The following CFAP54 variants were observed in gnomAD, a reference collection of about 807,000 sequenced individuals.
CFAP54 encodes the protein cilia- and flagella-associated protein 54.
In CFAP54, 290 loss-of-function variants were observed where a neutral mutation model predicts 370.4. The observed-to-expected ratio is 0.78, with a 90% CI of 0.71 to 0.86. The LOEUF (loss-of-function observed/expected upper bound fraction) is 0.86. Among genes scored for constraint, CFAP54 ranks in the 40% least tolerant of loss-of-function variants. The pLI, the probability that CFAP54 is intolerant of heterozygous loss-of-function variation, is 0.00. For missense variants in CFAP54, 3,399 were observed against 3,528.7 expected, an observed-to-expected ratio of 0.96 and a Z score of 0.93; for synonymous variants, 1,206 against 1,236.5, an observed-to-expected ratio of 0.98 and a Z score of 0.52.
intron 50 of CFAP54, among the ~76,000 whole-genome samples, chr12:96,723,784 T>C (rs1418670851): frequency 2.7e-5 from 4 of 149,712 alleles, no homozygotes; most frequent in African/African-American, 4.9e-5. Context: ...CCCATTAACT[T>C]GTCATTTAGC....
intron 39 of CFAP54, among the ~76,000 whole-genome samples, chr12:96,676,916 C>A (rs146784839): frequency 7.9e-5 from 12 of 152,164 alleles, no homozygotes; most frequent in Non-Finnish European, 1.6e-4. Context: ...CGTCTGCGAG[C>A]CAGGGAGAGG....
chr12:96,498,288 T>C (rs574669916), intron 1 of CFAP54, among the ~76,000 whole-genome samples: 2 of 152,232 alleles, frequency 1.3e-5, no homozygotes, highest in Non-Finnish European at 2.9e-5. Context: ...AAAATGAATC[T>C]AGACACAGAC....
At chr12:96,626,266 A>T (rs914779251) in intron 29 of CFAP54, among the ~76,000 whole-genome samples, 3 of 151,922 alleles carry the variant, frequency 2.0e-5, no homozygotes, top group African/African-American at 7.2e-5. Context: ...GGTGCCCGTA[A>T]TCCCAGCTTC....
chr12:96,819,038 A>T (rs1449178037), intron 65 of CFAP54, among the ~76,000 whole-genome samples: 2 of 152,240 alleles, frequency 1.3e-5, no homozygotes, highest in East Asian at 1.9e-4. Context: ...GCTTAAAACG[A>T]AAAAAGGCAA....
chr12:96,656,604 C>A (rs1722040298), intron 36 of CFAP54, among the ~76,000 whole-genome samples: 1 of 152,256 alleles, frequency 6.6e-6, no homozygotes, highest in Non-Finnish European at 1.5e-5. Context: ...TGGTCTCAAA[C>A]TCCCGACCTC....
rs919618013 is a variant in CFAP54 at position 96,535,517 on chromosome 12, A to G, written c.1708A>G (p.Thr570Ala). The G allele has an allele frequency of 6.5e-7, 1 of 1,532,290 alleles. No individual in the cohort carries two copies. Among genetic ancestry groups the G allele is most frequent in the Non-Finnish European group, 8.7e-7 (1 of 1,143,422 alleles). 94.9% of individuals were successfully genotyped at this position (1,532,290 alleles called of 1,614,324 possible). Reference sequence around the variant, plus strand: ...TTTCCTCTACTTTATGAACTTAGATACTTGTTTGAAGACTTGTGGATATTC... The same window carrying G: ...TTTCCTCTACTTTATGAACTTAGATGCTTGTTTGAAGACTTGTGGATATTC... The part of the protein sequence containing the change: ...IYLKKIAVHD[T>A]CLKTCGYSED... The change falls in exon 12 of 68, where the codon ACT becomes GCT. Residue 570 changes from threonine to alanine, a missense_variant and splice_region_variant. Physicochemically the swap from Thr to Ala is moderately conservative, Grantham distance 58. Transcript: ENST00000524981.
intron 60 of CFAP54, among the ~76,000 whole-genome samples, chr12:96,776,421 T>TAAAC (rs1958518868): frequency 6.6e-6 from 1 of 152,106 alleles, no homozygotes; most frequent in Admixed American, 6.5e-5. Context: ...AGAATAGTAA[T>TAAAC]AAACTCATTA....
intron 40 of CFAP54, among the ~76,000 whole-genome samples, chr12:96,680,201 A>G (rs1360624076): frequency 5.9e-5 from 9 of 152,372 alleles, no homozygotes; most frequent in African/African-American, 1.9e-4. Context: ...TCTTATTAAT[A>G]CTATAGATTT....
chr12:96,608,769 A>T (rs1002096295), intron 26 of CFAP54, among the ~76,000 whole-genome samples: 1 of 152,142 alleles, frequency 6.6e-6, no homozygotes, highest in African/African-American at 2.4e-5. Flanking sequence ...GCTGCATAGT[A>T]GGACTTCTAA....
intron 55 of CFAP54, among the ~76,000 whole-genome samples, chr12:96,752,363 A>G (rs1958196282): frequency 6.6e-6 from 1 of 152,006 alleles, no homozygotes; most frequent in Non-Finnish European, 1.5e-5. Context: ...TATTTCAATC[A>G]TTTTTTCAGA....
intron 15 of CFAP54, among the ~76,000 whole-genome samples, chr12:96,548,736 GCCAATGTTTTTC>G (rs1450507719): frequency 6.6e-6 from 1 of 152,130 alleles, no homozygotes; most frequent in Non-Finnish European, 1.5e-5. Context: ...ATAGCTGTCT[GCCAATGTTTTTC>G]CCAGGGATCA....
chr12:96,513,978 G>C (rs765399613), intron 5 of CFAP54, among the ~76,000 whole-genome samples: 1 of 152,174 alleles, frequency 6.6e-6, no homozygotes, highest in African/African-American at 2.4e-5. Flanking sequence ...TCACTGCTCA[G>C]TGTTAGCTTG....
At chr12:96,513,146 G>A in intron 5 of CFAP54, 102 bp downstream of exon 5, 1 of 429,404 alleles carries the variant, frequency 2.3e-6, no homozygotes, top group Non-Finnish European at 3.8e-6. Flanking sequence ...AGGAATATTT[G>A]GAGAATTATA....
chr12:96,618,375 C>T (rs529233977), intron 26 of CFAP54, among the ~76,000 whole-genome samples: 1 of 152,056 alleles, frequency 6.6e-6, no homozygotes, highest in African/African-American at 2.4e-5. Flanking sequence ...GAGCAGGATC[C>T]CTGAAAGCAT....
chr12:96,788,879 C>A (rs574385683), intron 62 of CFAP54, among the ~76,000 whole-genome samples: 2 of 152,312 alleles, frequency 1.3e-5, no homozygotes, highest in Admixed American at 6.5e-5. Context: ...ACGACTTCCT[C>A]TCTCCTAGAT....
chr12:96,702,220 T>C (rs942509781), intron 46 of CFAP54, among the ~76,000 whole-genome samples: 3 of 64,892 alleles, frequency 4.6e-5, no homozygotes, highest in Admixed American at 3.4e-4. Flanking sequence ...CTGCTCCAGA[T>C]AGGAGCATGT....
intron 4 of CFAP54, 104 bp from the exon 5 acceptor site, chr12:96,512,882 A>C: frequency 1.7e-6 from 1 of 573,484 alleles, no homozygotes; most frequent in South Asian, 3.5e-5. Flanking sequence ...CTTCCTCATA[A>C]GATCACTTGT....
At chr12:96,829,957 A>T (rs892861389) in intron 66 of CFAP54, among the ~76,000 whole-genome samples, 1 of 152,036 alleles carries the variant, frequency 6.6e-6, no homozygotes, top group Non-Finnish European at 1.5e-5. Flanking sequence ...TAGGTATCTC[A>T]TATTAGAATC....
At chr12:96,601,774 T>C (rs1592874457) in intron 26 of CFAP54, among the ~76,000 whole-genome samples, 3 of 152,318 alleles carry the variant, frequency 2.0e-5, no homozygotes, top group Non-Finnish European at 4.4e-5. Context: ...CTGCTGGTAG[T>C]TTGTATTTCT....
Sources: gnomAD v4.1 joint callset for allele counts (sites outside exome capture counted in the v4.1 genomes callset) on GRCh38, gnomAD v4.1.1 for gene constraint, MANE v1.5 for transcripts, NCBI Gene and HGNC (gene_info 2026-07-23, HGNC 2026-07-21) for gene names.